The following FAM20B variants were observed in gnomAD, a reference collection of about 807,000 sequenced individuals.
FAM20B encodes glycosaminoglycan xylosylkinase.
Under a neutral mutation model 43.8 loss-of-function variants are expected in FAM20B, and 23 were observed. The ratio of observed to expected loss-of-function variants is 0.53; its 90% CI spans 0.38 to 0.74. The LOEUF is 0.74. Ranked by LOEUF, FAM20B falls within the 30% of genes least tolerant of loss-of-function variation. The probability of loss-of-function intolerance (pLI) is 0.00; values close to 1 mark genes in which losing one functional copy is unlikely to be tolerated. For synonymous variants in FAM20B, 178 were observed against 192.4 expected, an observed-to-expected ratio of 0.93 and a Z score of 0.62; for missense variants, 440 against 510.5, an observed-to-expected ratio of 0.86 and a Z score of 1.33.
At chr1:179,067,553 G>A (rs1651740784) in intron 7 of FAM20B, among the ~76,000 whole-genome samples, 3 of 152,066 alleles carry the variant, frequency 2.0e-5, no homozygotes, top group Admixed American at 2.0e-4. Flanking sequence ...GCAGTGAGCC[G>A]AGATTGTGCC....
intron 7 of FAM20B, among the ~76,000 whole-genome samples, chr1:179,071,711 T>C (rs12088051): frequency 6.6e-6 from 1 of 152,220 alleles, no homozygotes; most frequent in Non-Finnish European, 1.5e-5. Context: ...TCTCTGTATA[T>C]ATCTCTGATT....
intron 7 of FAM20B, among the ~76,000 whole-genome samples, chr1:179,067,848 C>G (rs1176456295): frequency 6.6e-6 from 1 of 152,154 alleles, no homozygotes; most frequent in Non-Finnish European, 1.5e-5. Flanking sequence ...ACCGAAATCT[C>G]TGCCTTTCGG....
chr1:179,025,995 G>T lies in FAM20B; in HGVS notation c.-237G>T. 6.8e-6 allele frequency: 1 copy of T among 147,484 alleles called. No individual in the cohort carries two copies. Among genetic ancestry groups the T allele is most frequent in the South Asian group, 1.8e-4 (1 of 5,438 alleles). 9.1% of individuals were successfully genotyped at this position (147,484 alleles called of 1,614,324 possible). A position where few individuals can be genotyped will look rare whatever the true frequency, so the allele number is the denominator to read the frequency against. ...GGCGGCGGCGGCGGCTGGGGGCGGT[G>T]AGCGCGGCGTGGGGCTGCCCCTCCC... On this transcript the variant is annotated 5_prime_UTR_variant, in exon 1 of 8. It removes the in-frame stop codon of an upstream open reading frame in the 5' UTR. Coordinates refer to ENST00000263733, the MANE Select transcript of FAM20B (RefSeq NM_014864.4).
rs1353070023 is a variant in FAM20B at position 179,040,564 on chromosome 1, G to A, written c.-133-3151G>A. Among the ~76,000 whole-genome samples the A allele has an allele frequency of 2.4e-5, 3 of 126,400 alleles. No individual in the cohort carries two copies. In the East Asian group the frequency reaches 7.2e-4, roughly 30 times the overall value. The allele number at this position is 126,400 out of a possible 152,430, so 82.9% of individuals were successfully genotyped here. On this transcript the variant is annotated intron_variant, in intron 1 of 7. Coordinates refer to ENST00000263733, the MANE Select transcript of FAM20B (RefSeq NM_014864.4). ...TGACCCCCCTACCTCCCTCCAGGAC[G>A]GGGCAGCTGGCCGGGCAGAGGGGCT... is the stretch of plus-strand genomic sequence containing the variant.
chr1:179,036,695 A>G (rs1188656542), intron 1 of FAM20B, among the ~76,000 whole-genome samples: 2 of 152,208 alleles, frequency 1.3e-5, no homozygotes, highest in South Asian at 2.1e-4. Context: ...CCTCTCTCAC[A>G]TATAAAGGAG....
chr1:179,055,643 T>C (rs1651184251), intron 4 of FAM20B, among the ~76,000 whole-genome samples: 2 of 152,146 alleles, frequency 1.3e-5, no homozygotes, highest in Admixed American at 6.6e-5. Flanking sequence ...GGTGCTGGGA[T>C]TGAGGGAAAG....
At chr1:179,043,289 T>C (rs1650622458) in intron 1 of FAM20B, among the ~76,000 whole-genome samples, 1 of 152,168 alleles carries the variant, frequency 6.6e-6, no homozygotes, top group Admixed American at 6.5e-5. Context: ...ACAATTTTGC[T>C]CCACCCCAGA....
At chr1:179,051,285 A>T (rs1232831885) in intron 3 of FAM20B, among the ~76,000 whole-genome samples, 1 of 152,130 alleles carries the variant, frequency 6.6e-6, no homozygotes, top group African/African-American at 2.4e-5. Context: ...TCATAAGGCC[A>T]TATTGGCTGA....
Position 179,043,869 on chromosome 1 carries a change from G to C in FAM20B, c.22G>C (p.Val8Leu). The C allele has an allele frequency of 6.2e-7, 1 of 1,603,990 alleles. No homozygotes were observed. The highest frequency in any genetic ancestry group is 8.5e-7 in the Non-Finnish European group (1 of 1,171,736). ...CAACATGAAGCTAAAGCAGCGAGTC[G>C]TGCTGTTAGCAATTCTCCTTGTCAT... MKLKQRV[V>L]LLAILLVIFI... Residue 8 changes from valine (V) to leucine (L), a missense_variant, in exon 2 of 8, where the codon GTG (valine) becomes CTG (leucine). Transcript: ENST00000263733.
chr1:179,041,456 C>A (rs1650528461), intron 1 of FAM20B, among the ~76,000 whole-genome samples: 1 of 152,130 alleles, frequency 6.6e-6, no homozygotes, highest in South Asian at 2.1e-4. Flanking sequence ...GAGCTGGAGA[C>A]CAGCCCGGCC....
intron 2 of FAM20B, 59 bp downstream of exon 2, chr1:179,044,283 T>G (rs1423074357): frequency 4.0e-6 from 6 of 1,515,804 alleles, no homozygotes; most frequent in Non-Finnish European, 5.3e-6. Context: ...AACTTGGGAT[T>G]TATATAAGAT....
intron 7 of FAM20B, among the ~76,000 whole-genome samples, chr1:179,070,299 G>C (rs1651864181): frequency 6.6e-6 from 1 of 152,012 alleles, no homozygotes; most frequent in Non-Finnish European, 1.5e-5. Context: ...GACCCCTTGG[G>C]CCTCCCAGAG....
chr1:179,024,111 T>C (rs1475547619), upstream of FAM20B, among the ~76,000 whole-genome samples: 2 of 152,114 alleles, frequency 1.3e-5, no homozygotes, highest in South Asian at 4.1e-4. Context: ...CCTGAACCCA[T>C]AGCTCTCCTT....
intron 4 of FAM20B, among the ~76,000 whole-genome samples, chr1:179,060,056 TTAAC>T (rs541745817): frequency 3.0e-4 from 45 of 152,008 alleles, no homozygotes; most frequent in Admixed American, 7.9e-4. Context: ...GTGGCAACCT[TTAAC>T]TAGTAATTTC....
At chr1:179,034,244 T>G (rs1286446475) in intron 1 of FAM20B, among the ~76,000 whole-genome samples, 1 of 152,176 alleles carries the variant, frequency 6.6e-6, no homozygotes, top group African/African-American at 2.4e-5. Context: ...GGTAGCTAGA[T>G]CCCGTGAAAG....
At chr1:179,029,711 C>G (rs1466604982) in intron 1 of FAM20B, among the ~76,000 whole-genome samples, 1 of 152,168 alleles carries the variant, frequency 6.6e-6, no homozygotes, top group Non-Finnish European at 1.5e-5. Flanking sequence ...AGGACAGAAC[C>G]AAGTACAGAG....
intron 4 of FAM20B, among the ~76,000 whole-genome samples, chr1:179,057,407 A>T (rs940750282): frequency 3.9e-5 from 6 of 152,232 alleles, no homozygotes; most frequent in Non-Finnish European, 8.8e-5. Context: ...TGCAATTTTT[A>T]AAATGTATTA....
intron 3 of FAM20B, among the ~76,000 whole-genome samples, chr1:179,053,347 G>A (rs551318274): frequency 1.3e-5 from 2 of 152,120 alleles, no homozygotes; most frequent in African/African-American, 2.4e-5. Context: ...GAGGTGAGAG[G>A]ATCACTTGAG....
chr1:179,059,710 G>T (rs1370143858), intron 4 of FAM20B, among the ~76,000 whole-genome samples: 1 of 152,108 alleles, frequency 6.6e-6, no homozygotes, highest in Non-Finnish European at 1.5e-5. Context: ...GGTGGCTGAC[G>T]CCTGTAACCC....
Sources: gnomAD v4.1 joint callset for allele counts (sites outside exome capture counted in the v4.1 genomes callset) on GRCh38, gnomAD v4.1.1 for gene constraint, MANE v1.5 for transcripts, NCBI Gene and HGNC (gene_info 2026-07-23, HGNC 2026-07-21) for gene names.